The following RNF144A variants were observed in gnomAD, a reference collection of about 807,000 sequenced individuals.
RNF144A encodes E3 ubiquitin-protein ligase RNF144A.
Under a neutral mutation model 38.7 loss-of-function variants are expected in RNF144A, and 11 were observed. The observed-to-expected ratio is 0.28, with a 90% CI of 0.18 to 0.47. RNF144A has a LOEUF of 0.47. Ranked by LOEUF, RNF144A falls within the 20% of genes least tolerant of loss-of-function variation. The probability of loss-of-function intolerance (pLI) is 0.99; values close to 1 mark genes in which losing one functional copy is unlikely to be tolerated. For missense variants in RNF144A, 316 were observed against 377.2 expected (o/e 0.84, Z 1.34); for synonymous variants, 149 against 143.9 (o/e 1.04, Z -0.25).
At chr2:6,933,928 G>C (rs1665376936) in intron 1 of RNF144A, among the ~76,000 whole-genome samples, 1 of 152,086 alleles carries the variant, frequency 6.6e-6, no homozygotes, top group Non-Finnish European at 1.5e-5. Context: ...TTTTGCTGTT[G>C]TGAAGATTGC....
chr2:7,063,776 G>A (rs1674072235), intron 6 of RNF144A, among the ~76,000 whole-genome samples: 1 of 152,216 alleles, frequency 6.6e-6, no homozygotes, highest in Non-Finnish European at 1.5e-5. Flanking sequence ...GATAATTCAA[G>A]ATCTTTCTGA....
intron 1 of RNF144A, among the ~76,000 whole-genome samples, chr2:6,921,915 C>A: frequency 6.6e-6 from 1 of 152,174 alleles, no homozygotes; most frequent in East Asian, 1.9e-4. Context: ...GCACACAGGG[C>A]CGAGCTCCCC....
At chr2:7,063,510 G>A (rs1558471515) in intron 6 of RNF144A, among the ~76,000 whole-genome samples, 2 of 152,254 alleles carry the variant, frequency 1.3e-5, no homozygotes, top group South Asian at 2.1e-4. Flanking sequence ...AGTAATTAGG[G>A]TGGGACCTTA....
At chr2:6,922,586 G>C (rs545118692) in intron 1 of RNF144A, among the ~76,000 whole-genome samples, 4 of 151,930 alleles carry the variant, frequency 2.6e-5, no homozygotes, top group Admixed American at 1.3e-4. Flanking sequence ...TGCCTCCTGC[G>C]AGCCATGCAG....
chr2:7,028,605 A>T (rs1672077799), intron 7 of RNF144A, among the ~76,000 whole-genome samples: 1 of 152,254 alleles, frequency 6.6e-6, no homozygotes, highest in African/African-American at 2.4e-5. Context: ...GCAGTGCAAG[A>T]CATTGTGAGA....
Position 7,024,388 on chromosome 2 carries a change from G to T in RNF144A, c.529G>T (p.Glu177Ter). The T allele has an allele frequency of 6.2e-7, 1 of 1,607,994 alleles. No homozygotes were observed. The highest frequency in any genetic ancestry group is 2.2e-5 in the East Asian group (1 of 44,716). Residue 177 changes from glutamate (E) to a stop codon, truncating the protein, a stop_gained, in exon 7 of 9, where the codon GAA (glutamate) becomes TAA (stop). Coordinates refer to ENST00000320892, the MANE Select transcript of RNF144A (RefSeq NM_014746.6). LOFTEE classifies it high-confidence loss of function. The stretch of plus-strand genomic sequence containing the variant: ...CCACAGTGCTGCTTTCAAAATGGAA[G>T]AAGATGACGCGCCCATCAAGCGCTG... ...GETSAAFKME[E>*]DDAPIKRCPK...
At chr2:7,019,107 C>T (rs141275197) in intron 5 of RNF144A, among the ~76,000 whole-genome samples, 7 of 152,272 alleles carry the variant, frequency 4.6e-5, no homozygotes, top group African/African-American at 1.2e-4. Flanking sequence ...GATGACTATC[C>T]GACCCTCTGC....
chr2:6,938,896 T>G (rs76499440), intron 1 of RNF144A, among the ~76,000 whole-genome samples: 1 of 152,218 alleles, frequency 6.6e-6, no homozygotes, highest in Non-Finnish European at 1.5e-5. Context: ...TTACCCATGC[T>G]GTAGCATGAA....
rs1669882734 is a variant in RNF144A at position 6,998,184 on chromosome 2, AG to A, written c.135+1124del. ...GAAAAACTGTCTTCAAAAAAAAAAA[AG>A]TGTCTTCTGAATTTAACTGCTGTTG... On this transcript the variant is annotated intron_variant, in intron 3 of 8. Transcript: ENST00000320892. Among the ~76,000 whole-genome samples, 12 of 152,072 alleles carry A rather than the reference AG, an allele frequency of 7.9e-5. No individual in the cohort carries two copies. The South Asian group carries it at 2.5e-3, about 32-fold the overall frequency.
At chr2:7,036,487 G>A (rs879256932) in intron 8 of RNF144A, among the ~76,000 whole-genome samples, 1 of 152,198 alleles carries the variant, frequency 6.6e-6, no homozygotes, top group Non-Finnish European at 1.5e-5. Flanking sequence ...TGTCCTGGAA[G>A]CCACATGCAG....
chr2:7,013,052 T>G (rs1670916693), intron 3 of RNF144A, among the ~76,000 whole-genome samples: 1 of 152,238 alleles, frequency 6.6e-6, no homozygotes, highest in South Asian at 2.1e-4. Context: ...GCCTTGATTT[T>G]TGTTTTTTAA....
chr2:6,984,541 A>G (rs71436170), intron 2 of RNF144A, among the ~76,000 whole-genome samples: 42,138 of 152,058 alleles, frequency 0.28, 7,355 homozygotes, highest in Non-Finnish European at 0.4. Flanking sequence ...TGACCTCATG[A>G]TCCGCCCGCC....
chr2:7,053,241 C>T (rs1438235769), intron 6 of RNF144A, among the ~76,000 whole-genome samples: 1 of 152,218 alleles, frequency 6.6e-6, no homozygotes. Flanking sequence ...AATGTAGACT[C>T]TCAGCCCCAC....
intron 3 of RNF144A, among the ~76,000 whole-genome samples, chr2:7,002,753 G>A (rs1670193213): frequency 6.6e-6 from 1 of 152,106 alleles, no homozygotes; most frequent in Non-Finnish European, 1.5e-5. Flanking sequence ...ATTTTAGAGT[G>A]TACTACTACT....
chr2:6,935,206 C>T (rs1665491978), intron 1 of RNF144A, among the ~76,000 whole-genome samples: 1 of 152,222 alleles, frequency 6.6e-6, no homozygotes, highest in Admixed American at 6.5e-5. Context: ...CTTCCTGTTA[C>T]TACTTTAGCC....
intron 3 of RNF144A, among the ~76,000 whole-genome samples, chr2:7,005,028 A>G (rs1360306505): frequency 6.6e-6 from 1 of 152,164 alleles, no homozygotes; most frequent in African/African-American, 2.4e-5. Context: ...TGCTGCTGCT[A>G]TGGTTTTATC....
chr2:7,017,402 G>A (rs1044484802), intron 5 of RNF144A, among the ~76,000 whole-genome samples: 5 of 150,822 alleles, frequency 3.3e-5, no homozygotes, highest in East Asian at 3.9e-4. Context: ...GACTAGAGCC[G>A]ACTCCTGAAA....
intron 2 of RNF144A, among the ~76,000 whole-genome samples, chr2:6,960,010 CTG>C (rs1667240052): frequency 6.6e-6 from 1 of 152,252 alleles, no homozygotes. Flanking sequence ...TACTTCCTCT[CTG>C]TGGCCTGTAT....
At chr2:7,075,749 A>G in the RNF144A span, among the ~76,000 whole-genome samples, 1 of 152,204 alleles carries the variant, frequency 6.6e-6, no homozygotes, top group African/African-American at 2.4e-5. Flanking sequence ...TGGCAACAGA[A>G]AATGGATTAA....
Sources: allele counts gnomAD v4.1 joint callset (sites outside exome capture counted in the v4.1 genomes callset), GRCh38; gene constraint gnomAD v4.1.1; transcripts MANE v1.5; gene names NCBI Gene and HGNC (gene_info 2026-07-23, HGNC 2026-07-21).